Variants in CNTN4 observed in about 807,000 individuals in gnomAD.
The protein encoded by CNTN4 is contactin-4.
CNTN4 carries 77 observed loss-of-function variants against 122.5 expected under a neutral mutation model. The ratio of observed to expected loss-of-function variants is 0.63; its 90% CI spans 0.52 to 0.76. CNTN4 has a LOEUF of 0.76. Among genes scored for constraint, CNTN4 ranks in the 30% least tolerant of loss-of-function variants. The probability of loss-of-function intolerance (pLI) is 0.00; values close to 1 mark genes in which losing one functional copy is unlikely to be tolerated. For synonymous variants in CNTN4, 512 were observed against 447.0 expected (o/e 1.15, Z -1.83); for missense variants, 1,256 against 1,259.1 (o/e 1.00, Z 0.04).
At chr3:2,827,150 G>A (rs2093004075) in intron 7 of CNTN4, among the ~76,000 whole-genome samples, 1 of 152,076 alleles carries the variant, frequency 6.6e-6, no homozygotes, top group African/African-American at 2.4e-5. Flanking sequence ...TGCTTTGGAC[G>A]ACTGGTCACT....
intron 4 of CNTN4, 102 bp from the exon 5 acceptor site, chr3:2,736,113 T>C: frequency 8.2e-7 from 1 of 1,218,302 alleles, no homozygotes. Context: ...TTACTATTTT[T>C]TGTTAATTTC....
intron 23 of CNTN4, 37 bp from the exon 24 acceptor site, chr3:3,053,770 A>G (rs766733887): frequency 1.2e-6 from 2 of 1,609,626 alleles, no homozygotes; most frequent in South Asian, 2.2e-5. Context: ...ACCTTTGTGA[A>G]GACGGCAGGT....
intron 7 of CNTN4, among the ~76,000 whole-genome samples, chr3:2,825,251 A>G (rs1002186951): frequency 2.0e-5 from 3 of 151,964 alleles, no homozygotes; most frequent in African/African-American, 7.3e-5. Flanking sequence ...TTTGGGACAG[A>G]GTCTCGCTCT....
At chr3:2,815,672 T>G (rs2092709566) in intron 6 of CNTN4, among the ~76,000 whole-genome samples, 1 of 152,112 alleles carries the variant, frequency 6.6e-6, no homozygotes, top group Non-Finnish European at 1.5e-5. Context: ...GAAAACAGTG[T>G]GGATATTCCT....
chr3:2,904,007 A>G (rs1005114547), intron 12 of CNTN4, among the ~76,000 whole-genome samples: 1 of 152,212 alleles, frequency 6.6e-6, no homozygotes, highest in African/African-American at 2.4e-5. Context: ...GAGTGAAAAG[A>G]TAAATCTATG....
intron 2 of CNTN4, among the ~76,000 whole-genome samples, chr3:2,133,890 C>T (rs558773997): frequency 1.2e-4 from 19 of 152,184 alleles, no homozygotes; most frequent in African/African-American, 4.6e-4. Context: ...AGATTTAAAG[C>T]TCTATTGTTT....
chr3:2,332,819 G>A (rs1365141488), intron 2 of CNTN4, among the ~76,000 whole-genome samples: 2 of 151,564 alleles, frequency 1.3e-5, no homozygotes, highest in Non-Finnish European at 2.9e-5. Context: ...CATGGCACAT[G>A]TATACATATG....
intron 3 of CNTN4, among the ~76,000 whole-genome samples, chr3:2,439,423 G>A (rs917165183): frequency 2.6e-5 from 4 of 151,754 alleles, no homozygotes; most frequent in Admixed American, 6.6e-5. Flanking sequence ...TTTTTACTTG[G>A]TATCATAATA....
In CNTN4 at chr3:2,286,071, A is replaced by C. The variant is rs550779505; in HGVS notation, c.-144-53107A>C. The stretch of plus-strand genomic sequence containing the variant: ...ACATCTATCATCCTCAGTTAGGTAC[A>C]TCCTTGCTGACTTTGGGTGGCTTTT... On this transcript the variant is annotated intron_variant, in intron 2 of 24. Coordinates refer to ENST00000418658, the MANE Select transcript of CNTN4 (RefSeq NM_175607.3). Among the ~76,000 whole-genome samples, 5 of 152,002 alleles carry C rather than the reference A, an allele frequency of 3.3e-5. No individual in the cohort carries two copies. In the South Asian group the frequency reaches 1.0e-3, roughly 32 times the overall value.
chr3:2,727,216 T>C (rs534881789), intron 4 of CNTN4, among the ~76,000 whole-genome samples: 2 of 152,284 alleles, frequency 1.3e-5, no homozygotes, highest in South Asian at 4.2e-4. Context: ...AAGAGAAATA[T>C]AGCCCACAAA....
At chr3:2,554,362 C>CTTTGCTTAG (rs2078634597) in intron 3 of CNTN4, among the ~76,000 whole-genome samples, 1 of 152,062 alleles carries the variant, frequency 6.6e-6, no homozygotes, top group Admixed American at 6.6e-5. Flanking sequence ...CCCAAACATA[C>CTTTGCTTAG]TTTGCTTAGT....
intron 7 of CNTN4, among the ~76,000 whole-genome samples, chr3:2,857,704 A>G (rs2093631214): frequency 6.6e-6 from 1 of 152,160 alleles, no homozygotes; most frequent in Admixed American, 6.5e-5. Context: ...CAGCCTCTCC[A>G]GACTCCTGAG....
intron 13 of CNTN4, among the ~76,000 whole-genome samples, chr3:2,976,776 A>G (rs939057522): frequency 2.0e-5 from 3 of 152,224 alleles, no homozygotes; most frequent in Admixed American, 1.3e-4. Flanking sequence ...GAAATCAAGT[A>G]TGTAAGCTTG....
intron 2 of CNTN4, among the ~76,000 whole-genome samples, chr3:2,262,008 C>T (rs2040852496): frequency 6.6e-6 from 1 of 152,130 alleles, no homozygotes; most frequent in African/African-American, 2.4e-5. Flanking sequence ...GGCTTTTCTC[C>T]AGCTGGTAAA....
intron 4 of CNTN4, among the ~76,000 whole-genome samples, chr3:2,721,812 C>T (rs552015765): frequency 6.6e-6 from 1 of 152,248 alleles, no homozygotes; most frequent in South Asian, 2.1e-4. Context: ...AAAGTTTTGT[C>T]CCCATTAAGT....
chr3:2,357,595 G>C (rs139333389), intron 3 of CNTN4, among the ~76,000 whole-genome samples: 97 of 152,292 alleles, frequency 6.4e-4, no homozygotes, highest in African/African-American at 2.0e-3. Flanking sequence ...AGAGATTGTT[G>C]ATTGATACTA....
In CNTN4 at chr3:2,867,194, G is replaced by A. The variant is rs557674104; in HGVS notation, c.652+245G>A. 3.9e-5 allele frequency among the ~76,000 whole-genome samples: 6 copies of A among 152,310 alleles called. No individual in the cohort carries two copies. In the South Asian group the frequency reaches 1.0e-3, roughly 26 times the overall value. On this transcript the variant is annotated intron_variant, in intron 8 of 24. Transcript: ENST00000418658. ...ACAGGAATAGAATGAGGATTTAGGT[G>A]AATATAAATAACAAAGGAAGGTATT...
chr3:2,929,149 C>G (rs1031379406), intron 13 of CNTN4, among the ~76,000 whole-genome samples: 3 of 152,150 alleles, frequency 2.0e-5, no homozygotes, highest in Non-Finnish European at 4.4e-5. Flanking sequence ...CTCCAGCAAT[C>G]AGTGTAGGCA....
chr3:2,947,670 T>TGG (rs1247086140), intron 13 of CNTN4, among the ~76,000 whole-genome samples: 42 of 152,370 alleles, frequency 2.8e-4, no homozygotes, highest in African/African-American at 9.9e-4. Flanking sequence ...CTGACGTGAA[T>TGG]GGCAGGTTGT....
Sources: gnomAD v4.1 joint callset for allele counts (sites outside exome capture counted in the v4.1 genomes callset) on GRCh38, gnomAD v4.1.1 for gene constraint, MANE v1.5 for transcripts, NCBI Gene and HGNC (gene_info 2026-07-23, HGNC 2026-07-21) for gene names.